The following VAV3 variants were observed in gnomAD, a reference collection of about 807,000 sequenced individuals.
The protein encoded by VAV3 is guanine nucleotide exchange factor VAV3.
Under a neutral mutation model 131.2 loss-of-function variants are expected in VAV3, and 94 were observed. The ratio of observed to expected loss-of-function variants is 0.72; its 90% CI spans 0.61 to 0.85. The LOEUF (loss-of-function observed/expected upper bound fraction) is 0.85, where lower values mean the gene tolerates loss of function less well. Among genes scored for constraint, VAV3 ranks in the 40% least tolerant of loss-of-function variants. The probability of loss-of-function intolerance (pLI) is 0.00; values close to 1 mark genes in which losing one functional copy is unlikely to be tolerated. For missense variants in VAV3, 939 were observed against 1,002.7 expected (o/e 0.94, Z 0.86); for synonymous variants, 349 against 342.0 (o/e 1.02, Z -0.22).
intron 15 of VAV3, among the ~76,000 whole-genome samples, chr1:107,724,919 T>G (rs1009989947): frequency 6.6e-6 from 1 of 151,946 alleles, no homozygotes; most frequent in African/African-American, 2.4e-5. Flanking sequence ...TCTTGTTCTG[T>G]GGCCAAGGAG....
At chr1:107,885,237 A>G (rs993304197) in intron 1 of VAV3, among the ~76,000 whole-genome samples, 1 of 141,284 alleles carries the variant, frequency 7.1e-6, no homozygotes, top group African/African-American at 2.7e-5. Context: ...AAAAGGTGAC[A>G]CATAAGTCTG....
chr1:107,615,268 G>A (rs1653057416), intron 21 of VAV3, among the ~76,000 whole-genome samples: 1 of 152,142 alleles, frequency 6.6e-6, no homozygotes, highest in Middle Eastern at 3.2e-3. Context: ...GTCCTTTGCA[G>A]CAACATGGAT....
chr1:107,727,924 C>T (rs561247065), intron 15 of VAV3, among the ~76,000 whole-genome samples: 46 of 152,110 alleles, frequency 3.0e-4, no homozygotes, highest in African/African-American at 1.0e-3. Context: ...CTGGACTGTG[C>T]GACACATTAA....
chr1:107,719,538 T>C (rs141464499), intron 15 of VAV3, among the ~76,000 whole-genome samples: 2,343 of 152,248 alleles, frequency 0.015, 62 homozygotes, highest in African/African-American at 0.054. Context: ...GTTAGAATGG[T>C]GATCAGTAAA....
At chr1:107,898,248 G>GTAA (rs1671698122) in intron 1 of VAV3, among the ~76,000 whole-genome samples, 1 of 152,030 alleles carries the variant, frequency 6.6e-6, no homozygotes, top group Non-Finnish European at 1.5e-5. Flanking sequence ...ATTTAACAAT[G>GTAA]GTTATTTCTG....
intron 24 of VAV3, among the ~76,000 whole-genome samples, chr1:107,596,654 G>C (rs898348263): frequency 6.6e-6 from 1 of 152,132 alleles, no homozygotes; most frequent in African/African-American, 2.4e-5. Flanking sequence ...CAGTTTCAGA[G>C]TAGTAATTAT....
At chr1:107,578,773 C>T in intron 25 of VAV3, 2 of 983,540 alleles carry the variant, frequency 2.0e-6, no homozygotes, top group Non-Finnish European at 2.4e-6. Flanking sequence ...ATCCTTGTGT[C>T]TCTCTCTCTG....
intron 2 of VAV3, among the ~76,000 whole-genome samples, chr1:107,869,363 A>G (rs1670149158): frequency 6.6e-6 from 1 of 152,172 alleles, no homozygotes; most frequent in African/African-American, 2.4e-5. Flanking sequence ...GTTCTCTTGC[A>G]CTTAATTCAA....
intron 18 of VAV3, chr1:107,686,026 T>TGGGGGGTTGG (rs1658991340): frequency 2.4e-4 from 1 of 4,214 alleles, no homozygotes; most frequent in African/African-American, 7.7e-4. Context: ...GTGGGCTGGT[T>TGGGGGGTTGG]GGGGGGGTGG....
chr1:107,773,729 T>C (rs572400872), intron 4 of VAV3, among the ~76,000 whole-genome samples: 1 of 152,118 alleles, frequency 6.6e-6, no homozygotes, highest in African/African-American at 2.4e-5. Context: ...TACTGAGGGG[T>C]TTAGGCGGCA....
intron 1 of VAV3, among the ~76,000 whole-genome samples, chr1:107,905,156 T>G (rs1325291647): frequency 6.6e-6 from 1 of 152,138 alleles, no homozygotes; most frequent in Non-Finnish European, 1.5e-5. Context: ...ATGAGAACAT[T>G]TCCATATTTT....
chr1:107,643,971 A>G (rs895731072), intron 19 of VAV3, among the ~76,000 whole-genome samples: 3 of 152,180 alleles, frequency 2.0e-5, no homozygotes, highest in African/African-American at 7.2e-5. Flanking sequence ...GAGTTGCTAC[A>G]TCCTCCTTTG....
At chr1:107,652,202 C>T (rs779333473) in intron 19 of VAV3, among the ~76,000 whole-genome samples, 6 of 152,192 alleles carry the variant, frequency 3.9e-5, no homozygotes, top group African/African-American at 1.2e-4. Flanking sequence ...AAGATGGCCA[C>T]GGGAGTGACC....
chr1:107,879,762 GTTAAC>G (rs1351614616), intron 1 of VAV3, among the ~76,000 whole-genome samples: 7 of 151,926 alleles, frequency 4.6e-5, no homozygotes, highest in African/African-American at 1.2e-4. Context: ...ATTTACATAA[GTTAAC>G]TTAACAATTT....
At chr1:107,831,343 T>C (rs1469504354) in intron 2 of VAV3, among the ~76,000 whole-genome samples, 1 of 151,986 alleles carries the variant, frequency 6.6e-6, no homozygotes, top group Non-Finnish European at 1.5e-5. Flanking sequence ...GAATTAAAAC[T>C]GTTTTCGTGT....
At chr1:107,687,384 T>G (rs1392994960) in intron 18 of VAV3, among the ~76,000 whole-genome samples, 1 of 152,206 alleles carries the variant, frequency 6.6e-6, no homozygotes, top group Non-Finnish European at 1.5e-5. Flanking sequence ...ATTAAAAACA[T>G]ACTAATATCA....
intron 21 of VAV3, among the ~76,000 whole-genome samples, chr1:107,611,571 T>G (rs1652727849): frequency 6.8e-6 from 1 of 146,450 alleles, no homozygotes; most frequent in South Asian, 2.2e-4. Flanking sequence ...ATATTTATTC[T>G]TAAACCAAGC....
At chr1:107,627,530 A>C (rs978120227) in intron 20 of VAV3, among the ~76,000 whole-genome samples, 10 of 152,174 alleles carry the variant, frequency 6.6e-5, no homozygotes, top group Non-Finnish European at 1.2e-4. Flanking sequence ...CAGAAACAAA[A>C]AATACCTGAT....
At chr1:107,636,575 G>A (rs1399165184) in intron 20 of VAV3, among the ~76,000 whole-genome samples, 1 of 151,826 alleles carries the variant, frequency 6.6e-6, no homozygotes, top group Non-Finnish European at 1.5e-5. Flanking sequence ...CCCACAGTTG[G>A]GCAAAATAAT....
Sources: allele counts gnomAD v4.1 joint callset (sites outside exome capture counted in the v4.1 genomes callset), GRCh38; gene constraint gnomAD v4.1.1; transcripts MANE v1.5; gene names NCBI Gene and HGNC (gene_info 2026-07-23, HGNC 2026-07-21).